Variants in MAEA observed in about 807,000 individuals in gnomAD.
The protein encoded by MAEA is macrophage erythroblast attacher, E3 ubiquitin ligase, also known as E3 ubiquitin-protein transferase MAEA.
MAEA carries 22 observed loss-of-function variants against 46.2 expected under a neutral mutation model. That is an observed-to-expected ratio of 0.48 (90% CI 0.34 to 0.68). The LOEUF (loss-of-function observed/expected upper bound fraction) is 0.68, where lower values mean the gene tolerates loss of function less well. MAEA is among the 30% of genes least tolerant of loss of function. The pLI is 0.01. For synonymous variants in MAEA, 246 were observed against 222.6 expected, an observed-to-expected ratio of 1.11 and a Z score of -0.94; for missense variants, 393 against 558.1, an observed-to-expected ratio of 0.70 and a Z score of 2.98.
At chr4:1,313,650 C>T (rs919587153) in intron 2 of MAEA, among the ~76,000 whole-genome samples, 2 of 152,074 alleles carry the variant, frequency 1.3e-5, no homozygotes, top group East Asian at 1.9e-4. Context: ...TTGCTTGAGC[C>T]CAGGAGGTCA....
chr4:1,336,434 T>A lies in MAEA; in HGVS notation c.766-427T>A, dbSNP rs536845861. ...GTTGAAATCGGAGTTAAGTCAGCAC[T>A]CACCCCACAGCATGTTAAAATCAGA... is the stretch of plus-strand genomic sequence containing the variant. On this transcript the variant is annotated intron_variant, in intron 6 of 8. Transcript: ENST00000303400. 5.3e-5 allele frequency among the ~76,000 whole-genome samples: 8 copies of A among 151,170 alleles called. 1 individual carries two copies. In the South Asian group the frequency reaches 1.7e-3, roughly 32 times the overall value.
intron 1 of MAEA, among the ~76,000 whole-genome samples, chr4:1,299,133 C>A (rs992366733): frequency 1.3e-5 from 2 of 152,196 alleles, no homozygotes; most frequent in South Asian, 2.1e-4. Flanking sequence ...CCCTCCTGGG[C>A]GTCCAAAAGT....
chr4:1,316,213 C>G (rs548677355), intron 3 of MAEA, among the ~76,000 whole-genome samples: 1 of 152,300 alleles, frequency 6.6e-6, no homozygotes, highest in South Asian at 2.1e-4. Context: ...AAACACGTGG[C>G]ACCCTTGCCC....
chr4:1,292,886 CTTTT>C (rs34802084), intron 1 of MAEA, among the ~76,000 whole-genome samples: 1 of 128,358 alleles, frequency 7.8e-6, no homozygotes, highest in Non-Finnish European at 1.6e-5. Flanking sequence ...AACTCACCAT[CTTTT>C]TTTTTTTTTT....
intron 1 of MAEA, among the ~76,000 whole-genome samples, chr4:1,293,853 G>A (rs1056615203): frequency 6.6e-6 from 1 of 152,256 alleles, no homozygotes; most frequent in Non-Finnish European, 1.5e-5. Context: ...CACAGCCTGG[G>A]TCTGTGCCTG....
At position 1,332,795 on chromosome 4, in the gene MAEA, A is replaced by G; in HGVS notation, c.695A>G (p.Gln232Arg). 6.2e-7 allele frequency: 1 copy of G among 1,613,378 alleles called. No individual in the cohort carries two copies. Residue 232 changes from glutamine to arginine, a missense_variant, in exon 6 of 9, where the codon CAG (glutamine) becomes CGG (arginine). This residue lies in a region of MAEA where 358 missense variants were observed against 537.9 expected (regional missense o/e 0.67). Coordinates refer to ENST00000303400, the MANE Select transcript of MAEA (RefSeq NM_001017405.3). ...RKHFSQAEGSQLDEVRQAMGM... is the reference protein window; with the variant it reads ...RKHFSQAEGSRLDEVRQAMGM... ...CACTTCAGCCAAGCAGAAGGGAGCC[A>G]GCTGGACGAGGTGCGCCAGGCCATG...
At chr4:1,320,561 A>G (rs1162218093) in intron 3 of MAEA, among the ~76,000 whole-genome samples, 1 of 151,794 alleles carries the variant, frequency 6.6e-6, no homozygotes, top group Non-Finnish European at 1.5e-5. Flanking sequence ...AACCTGCAAG[A>G]AAATGCTATG....
intron 4 of MAEA, among the ~76,000 whole-genome samples, chr4:1,325,752 C>T (rs767193385): frequency 1.8e-4 from 27 of 151,978 alleles, no homozygotes; most frequent in Non-Finnish European, 3.4e-4. Context: ...CTGAAGGGAG[C>T]GGAGTGCTGA....
At chr4:1,323,588 C>G (rs1201619236) in intron 4 of MAEA, 3 of 702,412 alleles carry the variant, frequency 4.3e-6, no homozygotes, top group African/African-American at 1.7e-5. Flanking sequence ...TATGGAAACC[C>G]TAAAAGGAAA....
intron 3 of MAEA, among the ~76,000 whole-genome samples, chr4:1,315,808 GTGTCCCCCTCCCCCCATGTGCA>G (rs1737073294): frequency 1.1e-5 from 1 of 88,246 alleles, no homozygotes; most frequent in African/African-American, 4.5e-5. Context: ...CCCCGTGTGC[GTGTCCCCCTCCCCCCATGTGCA>G]TGTCCCCACC....
intron 2 of MAEA, among the ~76,000 whole-genome samples, chr4:1,312,869 G>T (rs955382036): frequency 1.3e-5 from 2 of 152,174 alleles, no homozygotes; most frequent in Non-Finnish European, 2.9e-5. Context: ...TTGAAACGTC[G>T]CACTGAAAAT....
chr4:1,323,468 A>G (rs1266901307), intron 4 of MAEA: 3 of 702,578 alleles, frequency 4.3e-6, no homozygotes, highest in Admixed American at 2.0e-5. Context: ...CGCAGTTACC[A>G]GCCAGGAGTG....
chr4:1,298,362 G>A (rs1174570705), intron 1 of MAEA, among the ~76,000 whole-genome samples: 3 of 152,040 alleles, frequency 2.0e-5, no homozygotes, highest in Admixed American at 6.6e-5. Flanking sequence ...AGAGGCACAC[G>A]CGCCGTCTTC....
At chr4:1,313,194 T>C (rs915796892) in intron 2 of MAEA, among the ~76,000 whole-genome samples, 4 of 152,250 alleles carry the variant, frequency 2.6e-5, no homozygotes, top group Non-Finnish European at 5.9e-5. Context: ...TGGTGGTGCC[T>C]TCCAGCTCCG....
intron 1 of MAEA, among the ~76,000 whole-genome samples, chr4:1,292,947 G>A (rs896975702): frequency 6.7e-6 from 1 of 148,938 alleles, no homozygotes; most frequent in African/African-American, 2.5e-5. Flanking sequence ...AGGCTGGAGC[G>A]CGGTGGCACA....
intron 1 of MAEA, among the ~76,000 whole-genome samples, chr4:1,300,469 C>T (rs73071910): frequency 0.065 from 9,913 of 152,274 alleles, 1,036 homozygotes; most frequent in African/African-American, 0.22. Flanking sequence ...GGAAGCTCTG[C>T]TGATGTTGTG....
At chr4:1,300,676 T>G (rs56887292) in intron 1 of MAEA, among the ~76,000 whole-genome samples, 1 of 152,176 alleles carries the variant, frequency 6.6e-6, no homozygotes, top group Admixed American at 6.5e-5. Flanking sequence ...CCAGTGGCTT[T>G]AAAAGGTTCC....
intron 1 of MAEA, among the ~76,000 whole-genome samples, chr4:1,294,284 G>A (rs1415585332): frequency 2.0e-5 from 3 of 152,352 alleles, no homozygotes; most frequent in Non-Finnish European, 2.9e-5. Context: ...CGGCCTCCGC[G>A]CTGGCACAGG....
chr4:1,309,544 C>T (rs1176665121), intron 1 of MAEA: 1 of 1,424,088 alleles, frequency 7.0e-7, no homozygotes, highest in East Asian at 2.6e-5. Flanking sequence ...ATCCCCTGAA[C>T]TCAGATTGGA....
Sources: gnomAD v4.1 joint callset for allele counts (sites outside exome capture counted in the v4.1 genomes callset) on GRCh38, gnomAD v4.1.1 for gene constraint, gnomAD v4.1.1 regional missense constraint, MANE v1.5 for transcripts, NCBI Gene and HGNC (gene_info 2026-07-23, HGNC 2026-07-21) for gene names.